Variants in GTF2I observed in about 807,000 individuals in gnomAD.
GTF2I encodes general transcription factor II-I.
In GTF2I, 12 loss-of-function variants were observed where a neutral mutation model predicts 67.6. The ratio of observed to expected loss-of-function variants is 0.18; its 90% CI spans 0.11 to 0.29. The LOEUF is 0.29. GTF2I is among the 10% of genes least tolerant of loss of function. The pLI is 1.00. For synonymous variants in GTF2I, 149 were observed against 197.0 expected (o/e 0.76, Z 2.04); for missense variants, 271 against 580.1 (o/e 0.47, Z 5.47).
At chr7:74,692,460 TCTC>T (rs1260218967) in intron 3 of GTF2I, among the ~76,000 whole-genome samples, 3 of 152,168 alleles carry the variant, frequency 2.0e-5, no homozygotes, top group Non-Finnish European at 2.9e-5. Flanking sequence ...ATTAAACAGT[TCTC>T]CTCCACTCCC....
intron 1 of GTF2I, among the ~76,000 whole-genome samples, chr7:74,672,106 T>C (rs1396490335): frequency 1.3e-5 from 2 of 152,138 alleles, no homozygotes; most frequent in African/African-American, 4.8e-5. Flanking sequence ...TATATATTCA[T>C]ATATATATGA....
At chr7:74,687,611 C>T in intron 1 of GTF2I, 5 of 900,900 alleles carry the variant, frequency 5.6e-6, no homozygotes, top group Non-Finnish European at 6.6e-6. Flanking sequence ...AGTTAATTCA[C>T]ATGGTAACAG....
At chr7:74,684,023 C>T (rs1477468703) in intron 1 of GTF2I, among the ~76,000 whole-genome samples, 1 of 151,868 alleles carries the variant, frequency 6.6e-6, no homozygotes, top group South Asian at 2.1e-4. Context: ...AGGTCATATC[C>T]TTGTGATTTG....
At chr7:74,675,557 T>G (rs587719874) in intron 1 of GTF2I, among the ~76,000 whole-genome samples, 62 of 151,744 alleles carry the variant, frequency 4.1e-4, no homozygotes, top group African/African-American at 1.3e-3. Context: ...CTGTTTTTTT[T>G]GGGGGGGGCA....
chr7:74,680,099 A>AATATATATAG (rs1787116467), intron 1 of GTF2I, among the ~76,000 whole-genome samples: 3 of 95,000 alleles, frequency 3.2e-5, no homozygotes, highest in African/African-American at 1.2e-4. Flanking sequence ...AAAAAAAAAA[A>AATATATATAG]ATATATATAT....
chr7:74,681,736 A>T (rs927187729), intron 1 of GTF2I, among the ~76,000 whole-genome samples: 3 of 152,150 alleles, frequency 2.0e-5, no homozygotes, highest in Non-Finnish European at 4.4e-5. Flanking sequence ...ACATGGCAAA[A>T]TCCTGTCTCT....
At position 74,699,001 on chromosome 7, in the gene GTF2I, G is replaced by A; in HGVS notation, c.279G>A (p.Met93Ile). 1 of 1,506,888 alleles carries A rather than the reference G, an allele frequency of 6.6e-7. No individual in the cohort carries two copies. The highest frequency in any genetic ancestry group is 8.9e-7 in the Non-Finnish European group (1 of 1,119,250). The allele number at this position is 1,506,888 out of a possible 1,614,324, so 93.3% of individuals were successfully genotyped here. Reference sequence around the variant, plus strand: ...AAAAAGCTGCAGAGATGCATAAAATGAAATCTACAACCCAGGCAAATCGGA... The same window carrying A: ...AAAAAGCTGCAGAGATGCATAAAATAAAATCTACAACCCAGGCAAATCGGA... The part of the protein sequence containing the change: ...EEEKAAEMHK[M>I]KSTTQANRMS... The change falls in exon 4 of 35, where the codon ATG becomes ATA. Residue 93 changes from methionine (M) to isoleucine (I), a missense_variant. This residue lies in a region of GTF2I where 72 missense variants were observed against 87.4 expected (regional missense o/e 0.82). Coordinates refer to ENST00000573035, the MANE Select transcript of GTF2I (RefSeq NM_032999.4).
intron 3 of GTF2I, among the ~76,000 whole-genome samples, chr7:74,698,491 A>T (rs1477629227): frequency 7.0e-6 from 1 of 143,374 alleles, no homozygotes; most frequent in African/African-American, 2.6e-5. Context: ...ATCATAGCTC[A>T]CTGCAGCCTT....
chr7:74,715,198 C>T (rs1441975044), intron 10 of GTF2I, among the ~76,000 whole-genome samples: 1 of 151,982 alleles, frequency 6.6e-6, no homozygotes, highest in East Asian at 1.9e-4. Flanking sequence ...TATCTCAGAA[C>T]AGTCAGAAGC....
intron 6 of GTF2I, among the ~76,000 whole-genome samples, chr7:74,704,939 C>T (rs1486284403): frequency 4.1e-5 from 6 of 146,866 alleles, no homozygotes; most frequent in African/African-American, 1.5e-4. Flanking sequence ...TTCCATCTTA[C>T]TAGACAAATG....
chr7:74,716,000 A>G (rs1554403557), intron 10 of GTF2I, among the ~76,000 whole-genome samples: 1 of 152,138 alleles, frequency 6.6e-6, no homozygotes, highest in African/African-American at 2.4e-5. Flanking sequence ...CTCAATAGAT[A>G]AGACAAAAGA....
intron 6 of GTF2I, among the ~76,000 whole-genome samples, chr7:74,701,960 A>C (rs1409589168): frequency 6.6e-6 from 1 of 152,198 alleles, no homozygotes; most frequent in Non-Finnish European, 1.5e-5. Flanking sequence ...TTCACTGAGC[A>C]TCACTCACTC....
At chr7:74,662,894 T>C (rs1319852986) in intron 1 of GTF2I, among the ~76,000 whole-genome samples, 3 of 152,108 alleles carry the variant, frequency 2.0e-5, no homozygotes, top group Non-Finnish European at 4.4e-5. Flanking sequence ...TAGTTTACAG[T>C]TGATGACCCC....
intron 2 of GTF2I, among the ~76,000 whole-genome samples, chr7:74,689,458 G>A (rs1004316216): frequency 2.0e-5 from 3 of 148,870 alleles, no homozygotes; most frequent in Admixed American, 6.8e-5. Flanking sequence ...GGGTTCAAGC[G>A]ATTCTCCTGC....
At chr7:74,679,257 G>T (rs1330546361) in intron 1 of GTF2I, among the ~76,000 whole-genome samples, 1 of 147,474 alleles carries the variant, frequency 6.8e-6, no homozygotes. Context: ...TGTATTTTTA[G>T]TAGAGATGGG....
Position 74,709,275 on chromosome 7 carries a change from G to C in GTF2I, c.686-1757G>C, listed in dbSNP as rs587649718. 9.2e-5 allele frequency among the ~76,000 whole-genome samples: 14 copies of C among 152,084 alleles called. No homozygotes were observed. The South Asian group carries it at 2.7e-3, about 29-fold the overall frequency. On this transcript the variant is annotated intron_variant, in intron 8 of 34. Transcript: ENST00000573035. Reference sequence around the variant, plus strand: ...ATTTATTTATATTTTTTGAGACAAGGTCTCACTCTGTCGTCCAGACTGGAG... The same window carrying C: ...ATTTATTTATATTTTTTGAGACAAGCTCTCACTCTGTCGTCCAGACTGGAG...
At chr7:74,690,158 T>G (rs7808649) in intron 2 of GTF2I, among the ~76,000 whole-genome samples, 3 of 151,500 alleles carry the variant, frequency 2.0e-5, no homozygotes, top group Non-Finnish European at 4.4e-5. Context: ...GAGGTTGCAG[T>G]GAGCCGAGAT....
chr7:74,704,674 A>G (rs781885274), intron 6 of GTF2I, among the ~76,000 whole-genome samples: 1 of 151,940 alleles, frequency 6.6e-6, no homozygotes, highest in Non-Finnish European at 1.5e-5. Flanking sequence ...ACATAGCAAG[A>G]TCCAATTTCT....
At chr7:74,698,847 G>C (rs1193696813) in intron 3 of GTF2I, 114 bp from the exon 4 acceptor site, 5 of 403,610 alleles carry the variant, frequency 1.2e-5, no homozygotes, top group Non-Finnish European at 2.2e-5. Flanking sequence ...CATGATAAAA[G>C]TAGTTTTCCC....
Sources: gnomAD v4.1 joint callset for allele counts (sites outside exome capture counted in the v4.1 genomes callset) on GRCh38, gnomAD v4.1.1 for gene constraint, gnomAD v4.1.1 regional missense constraint, MANE v1.5 for transcripts, NCBI Gene and HGNC (gene_info 2026-07-23, HGNC 2026-07-21) for gene names.